CORO2B: variants seen among roughly 807,000 people sequenced by gnomAD.
CORO2B encodes the protein coronin-2B.
CORO2B carries 26 observed loss-of-function variants against 58.8 expected under a neutral mutation model. The ratio of observed to expected loss-of-function variants is 0.44; its 90% CI spans 0.32 to 0.61. CORO2B has a LOEUF of 0.61. Ranked by LOEUF, CORO2B falls within the 20% of genes least tolerant of loss-of-function variation. The probability of loss-of-function intolerance (pLI) is 0.04; values close to 1 mark genes in which losing one functional copy is unlikely to be tolerated. For missense variants in CORO2B, 460 were observed against 645.1 expected, an observed-to-expected ratio of 0.71 and a Z score of 3.11; for synonymous variants, 242 against 253.8, an observed-to-expected ratio of 0.95 and a Z score of 0.44.
At chr15:68,574,971 T>C (rs1251072793), upstream of CORO2B, among the ~76,000 whole-genome samples, 1 of 152,174 alleles carries the variant, frequency 6.6e-6, no homozygotes, top group East Asian at 1.9e-4. Flanking sequence ...TGCAACGTCT[T>C]ATTTACCCCA....
At chr15:68,553,397 G>A in the CORO2B span, among the ~76,000 whole-genome samples, 6 of 152,168 alleles carry the variant, frequency 3.9e-5, no homozygotes, top group South Asian at 2.1e-4. Flanking sequence ...GTTGGAGAGC[G>A]AGATGTGATG....
intron 1 of CORO2B, among the ~76,000 whole-genome samples, chr15:68,614,880 G>A (rs1025094644): frequency 6.6e-6 from 1 of 152,232 alleles, no homozygotes; most frequent in East Asian, 1.9e-4. Context: ...GCTGGTCCGG[G>A]CCTGCGCCCA....
intron 1 of CORO2B, among the ~76,000 whole-genome samples, chr15:68,606,694 G>A (rs1900133505): frequency 6.6e-6 from 1 of 152,192 alleles, no homozygotes; most frequent in Admixed American, 6.5e-5. Context: ...CATGGGTAGA[G>A]TGGGGGCAGA....
At chr15:68,712,303 A>G (rs532247176) in intron 5 of CORO2B, among the ~76,000 whole-genome samples, 1 of 152,316 alleles carries the variant, frequency 6.6e-6, no homozygotes, top group Non-Finnish European at 1.5e-5. Flanking sequence ...GAAGGGATTA[A>G]TGCTTGATCT....
chr15:68,582,862 C>T (rs774698624), intron 1 of CORO2B, among the ~76,000 whole-genome samples: 13 of 152,140 alleles, frequency 8.5e-5, no homozygotes, highest in South Asian at 6.2e-4. Flanking sequence ...TTAAGTTAGA[C>T]GCTAGTGAGC....
At chr15:68,626,307 T>C (rs891573904) in intron 1 of CORO2B, among the ~76,000 whole-genome samples, 2 of 152,154 alleles carry the variant, frequency 1.3e-5, no homozygotes, top group African/African-American at 4.8e-5. Flanking sequence ...GCATAGTAGT[T>C]TCTGATTTTT....
chr15:68,650,407 T>A (rs866582854), intron 2 of CORO2B, among the ~76,000 whole-genome samples: 19 of 99,656 alleles, frequency 1.9e-4, no homozygotes, highest in African/African-American at 8.0e-4. Flanking sequence ...AAAAAAAAAA[T>A]GGAGACATTC....
chr15:68,725,703 G>A (rs538154953), intron 11 of CORO2B, 140 bp from the exon 12 acceptor site: 105 of 1,051,116 alleles, frequency 1.0e-4, no homozygotes, highest in Non-Finnish European at 1.2e-4. Flanking sequence ...CACCTGGGGA[G>A]AATAAATGTA....
intron 2 of CORO2B, among the ~76,000 whole-genome samples, chr15:68,647,764 T>C (rs7163493): frequency 0.015 from 2,246 of 150,986 alleles, 59 homozygotes; most frequent in African/African-American, 0.052. Flanking sequence ...TCCCAACACT[T>C]TGGGAGGCCA....
intron 1 of CORO2B, among the ~76,000 whole-genome samples, chr15:68,641,825 G>A (rs939344106): frequency 6.6e-6 from 1 of 152,106 alleles, no homozygotes; most frequent in Non-Finnish European, 1.5e-5. Context: ...CCAGGCTCAA[G>A]CCATCCTCCC....
intron 6 of CORO2B, 54 bp downstream of exon 6, chr15:68,714,095 G>A (rs1478149392): frequency 3.2e-5 from 38 of 1,179,704 alleles, no homozygotes; most frequent in East Asian, 2.3e-4. Flanking sequence ...TCGTTGCCTC[G>A]GAGGTCACTT....
chr15:68,724,059 G>A (rs1342001693), intron 11 of CORO2B, among the ~76,000 whole-genome samples: 1 of 151,898 alleles, frequency 6.6e-6, no homozygotes, highest in African/African-American at 2.4e-5. Context: ...AAAATTAGCC[G>A]GGCGTGATGG....
At chr15:68,690,588 A>G (rs563231343) in intron 2 of CORO2B, among the ~76,000 whole-genome samples, 2 of 151,444 alleles carry the variant, frequency 1.3e-5, no homozygotes, top group African/African-American at 4.8e-5. Flanking sequence ...GTTTTACATT[A>G]TTACAATCAT....
intron 11 of CORO2B, among the ~76,000 whole-genome samples, chr15:68,719,907 C>T (rs1371200343): frequency 2.6e-5 from 4 of 152,212 alleles, no homozygotes; most frequent in Non-Finnish European, 4.4e-5. Context: ...GCCCTGCCTC[C>T]CTCGCTGGCG....
rs932761443 is a variant in CORO2B at position 68,600,854 on chromosome 15, A to G, written c.15+21577A>G. Among the ~76,000 whole-genome samples the G allele has an allele frequency of 3.9e-5, 6 of 152,204 alleles. No homozygotes were observed. In the South Asian group the frequency reaches 6.2e-4, roughly 16 times the overall value. ...CGGGGAGACAAGAAGCGTGGGAGGAAGGTGAGGAGGGAGAGATGCAAACCC... is the reference window on the plus strand; with the variant it reads ...CGGGGAGACAAGAAGCGTGGGAGGAGGGTGAGGAGGGAGAGATGCAAACCC... On this transcript the variant is annotated intron_variant, in intron 1 of 11. Coordinates refer to ENST00000261861, the MANE Select transcript of CORO2B (RefSeq NM_006091.5).
chr15:68,540,008 A>G, the CORO2B span, among the ~76,000 whole-genome samples: 1 of 152,260 alleles, frequency 6.6e-6, no homozygotes, highest in African/African-American at 2.4e-5. Flanking sequence ...TTTGAAGATA[A>G]TTGTAGATAT....
chr15:68,723,411 G>A lies in CORO2B; in HGVS notation c.1312-2432G>A, dbSNP rs147170348. On this transcript the variant is annotated intron_variant, in intron 11 of 11. Coordinates refer to ENST00000261861, the MANE Select transcript of CORO2B (RefSeq NM_006091.5). ...TGTTGGGCTTACAGGTGTGAGCCAC[G>A]GCGCCCAGCCAATAGATACATTTGG... Among the ~76,000 whole-genome samples, 747 of 151,584 alleles carry A rather than the reference G, an allele frequency of 4.9e-3. 9 individuals are homozygous for A. The highest frequency in any genetic ancestry group is 0.017 in the African/African-American group (705 of 41,348).
chr15:68,658,304 G>GGAA (rs927796213), intron 2 of CORO2B, among the ~76,000 whole-genome samples: 1 of 151,560 alleles, frequency 6.6e-6, no homozygotes, highest in Non-Finnish European at 1.5e-5. Flanking sequence ...GTTCAATGGA[G>GGAA]GAGGAGGGCG....
intron 1 of CORO2B, among the ~76,000 whole-genome samples, chr15:68,605,157 A>G (rs373832885): frequency 2.2e-3 from 340 of 152,318 alleles, no homozygotes; most frequent in African/African-American, 7.9e-3. Flanking sequence ...AAAAACTTCA[A>G]TCTCCCAGCT....
Sources: gnomAD v4.1 joint callset for allele counts (sites outside exome capture counted in the v4.1 genomes callset) on GRCh38, gnomAD v4.1.1 for gene constraint, MANE v1.5 for transcripts, NCBI Gene and HGNC (gene_info 2026-07-23, HGNC 2026-07-21) for gene names.